Variants in GPC6 observed in about 807,000 individuals in gnomAD.
GPC6 encodes the protein glypican-6.
In GPC6, 14 loss-of-function variants were observed where a neutral mutation model predicts 55.2. That is an observed-to-expected ratio of 0.25 (90% confidence interval 0.17 to 0.40). The LOEUF (loss-of-function observed/expected upper bound fraction) is 0.40, where lower values mean the gene tolerates loss of function less well. Among genes scored for constraint, GPC6 ranks in the 10% least tolerant of loss-of-function variants. GPC6 has a pLI of 1.00. For synonymous variants in GPC6, 278 were observed against 259.6 expected, an observed-to-expected ratio of 1.07 and a Z score of -0.68; for missense variants, 641 against 708.5, an observed-to-expected ratio of 0.90 and a Z score of 1.08.
chr13:93,765,279 T>C, intron 2 of GPC6, among the ~76,000 whole-genome samples: 1 of 102,612 alleles, frequency 9.7e-6, no homozygotes, highest in Non-Finnish European at 2.6e-5. Context: ...AAAGACAACT[T>C]TCCAGATAAG....
intron 3 of GPC6, among the ~76,000 whole-genome samples, chr13:94,001,370 T>C (rs947164084): frequency 6.6e-6 from 1 of 152,200 alleles, no homozygotes; most frequent in Non-Finnish European, 1.5e-5. Context: ...TTTTTAAACA[T>C]TTTTAAACAT....
chr13:93,876,895 C>T (rs1369389480), intron 3 of GPC6, among the ~76,000 whole-genome samples: 1 of 152,032 alleles, frequency 6.6e-6, no homozygotes, highest in African/African-American at 2.4e-5. Context: ...GCCTCCGGTA[C>T]TCAGGTTATA....
intron 4 of GPC6, among the ~76,000 whole-genome samples, chr13:94,063,460 T>C (rs1019482701): frequency 2.0e-5 from 3 of 152,194 alleles, no homozygotes; most frequent in East Asian, 3.9e-4. Context: ...ACTGCTAACA[T>C]AGGAATTTTT....
chr13:93,544,239 T>C (rs1289001988), intron 1 of GPC6, among the ~76,000 whole-genome samples: 1 of 152,178 alleles, frequency 6.6e-6, no homozygotes, highest in Non-Finnish European at 1.5e-5. Flanking sequence ...AGTAGGAGCT[T>C]AAGCATTAAA....
chr13:93,254,474 C>A (rs761630691), intron 1 of GPC6, among the ~76,000 whole-genome samples: 3 of 152,198 alleles, frequency 2.0e-5, no homozygotes, highest in South Asian at 4.1e-4. Flanking sequence ...CTAAATAGAA[C>A]AATTGTTTCA....
intron 1 of GPC6, among the ~76,000 whole-genome samples, chr13:93,467,998 A>G (rs775728120): frequency 6.6e-6 from 1 of 152,108 alleles, no homozygotes; most frequent in Non-Finnish European, 1.5e-5. Flanking sequence ...TCTTGGGTAG[A>G]GTCCTAGCAA....
At chr13:93,915,416 A>G (rs1176909290) in intron 3 of GPC6, among the ~76,000 whole-genome samples, 2 of 152,164 alleles carry the variant, frequency 1.3e-5, no homozygotes, top group Non-Finnish European at 2.9e-5. Context: ...AGCATTTATC[A>G]CACCTCCACT....
At chr13:93,316,052 T>A (rs1226411678) in intron 1 of GPC6, among the ~76,000 whole-genome samples, 4 of 152,056 alleles carry the variant, frequency 2.6e-5, no homozygotes, top group Non-Finnish European at 5.9e-5. Context: ...CACCATCAGA[T>A]TTTTAAATCC....
intron 1 of GPC6, among the ~76,000 whole-genome samples, chr13:93,449,162 C>T (rs1264313832): frequency 6.6e-6 from 1 of 152,202 alleles, no homozygotes; most frequent in Non-Finnish European, 1.5e-5. Context: ...GATGCCCATG[C>T]ATGCTGTGAT....
chr13:93,260,555 T>C (rs1296598457), intron 1 of GPC6, among the ~76,000 whole-genome samples: 1 of 152,166 alleles, frequency 6.6e-6, no homozygotes, highest in Non-Finnish European at 1.5e-5. Context: ...ATTAAAAAAC[T>C]ACTCATGTCC....
At chr13:94,108,174 T>C (rs1478141149) in intron 4 of GPC6, among the ~76,000 whole-genome samples, 2 of 152,078 alleles carry the variant, frequency 1.3e-5, no homozygotes, top group African/African-American at 4.8e-5. Flanking sequence ...GAAGAAACTG[T>C]GGTATATATG....
intron 6 of GPC6, among the ~76,000 whole-genome samples, chr13:94,329,709 T>C (rs1877310515): frequency 6.6e-6 from 1 of 152,182 alleles, no homozygotes; most frequent in South Asian, 2.1e-4. Flanking sequence ...TCAGAAAATC[T>C]TGGGTTGTCT....
At chr13:93,808,639 T>C (rs1289799607) in intron 2 of GPC6, among the ~76,000 whole-genome samples, 2 of 152,216 alleles carry the variant, frequency 1.3e-5, no homozygotes, top group African/African-American at 4.8e-5. Context: ...TAATATGAAC[T>C]GTATGTAATT....
chr13:93,343,798 T>C (rs1471509013), intron 1 of GPC6, among the ~76,000 whole-genome samples: 1 of 152,204 alleles, frequency 6.6e-6, no homozygotes, highest in Non-Finnish European at 1.5e-5. Flanking sequence ...CCTTGGGTTC[T>C]TTCTGTTTGG....
chr13:94,013,425 A>G (rs1251764167), intron 3 of GPC6, among the ~76,000 whole-genome samples: 3 of 152,164 alleles, frequency 2.0e-5, no homozygotes, highest in Non-Finnish European at 2.9e-5. Context: ...ATCTCAGCTC[A>G]CCACACCCTC....
chr13:93,613,530 AACACACAC>A (rs10573990), intron 2 of GPC6, among the ~76,000 whole-genome samples: 90 of 140,000 alleles, frequency 6.4e-4, no homozygotes, highest in African/African-American at 1.8e-3. Flanking sequence ...ACACACACAA[AACACACAC>A]ACACACACAC....
rs74319788 is a variant in GPC6 at position 93,322,090 on chromosome 13, G to A, written c.160+94474G>A. ...ACACATAAAATACATGCCCCAAATT[G>A]TTATTATTAGATCTAATGGACAAGA... On this transcript the variant is annotated intron_variant, in intron 1 of 8. Transcript: ENST00000377047. 8.3e-4 allele frequency among the ~76,000 whole-genome samples: 126 copies of A among 152,130 alleles called. 3 individuals carry two copies. The highest frequency in any genetic ancestry group is 3.4e-3 in the Middle Eastern group (1 of 294).
At chr13:93,471,580 A>G (rs753478341) in intron 1 of GPC6, among the ~76,000 whole-genome samples, 3 of 152,150 alleles carry the variant, frequency 2.0e-5, no homozygotes, top group Non-Finnish European at 2.9e-5. Context: ...CTCTGTCACT[A>G]TATTTTCATT....
chr13:94,337,047 T>G (rs149621896), intron 6 of GPC6, among the ~76,000 whole-genome samples: 319 of 152,268 alleles, frequency 2.1e-3, no homozygotes, highest in African/African-American at 7.4e-3. Flanking sequence ...AGGAAAGAAT[T>G]TTTACACCTC....
Sources: gnomAD v4.1 joint callset for allele counts (sites outside exome capture counted in the v4.1 genomes callset) on GRCh38, gnomAD v4.1.1 for gene constraint, MANE v1.5 for transcripts, NCBI Gene and HGNC (gene_info 2026-07-23, HGNC 2026-07-21) for gene names.